EVC2: variants seen among roughly 807,000 people sequenced by gnomAD.
The protein encoded by EVC2 is EvC ciliary complex subunit 2, also known as limbin.
A neutral mutation model predicts 149.3 loss-of-function variants in EVC2; 148 were observed. The ratio of observed to expected loss-of-function variants is 0.99; its 90% CI spans 0.87 to 1.14. The LOEUF (loss-of-function observed/expected upper bound fraction) is 1.14. EVC2 is among the 50% of genes most tolerant of loss of function. The pLI, the probability that EVC2 is intolerant of heterozygous loss-of-function variation, is 0.00. For synonymous variants in EVC2, 776 were observed against 649.9 expected, an observed-to-expected ratio of 1.19 and a Z score of -2.95; for missense variants, 1,854 against 1,627.3, an observed-to-expected ratio of 1.14 and a Z score of -2.40.
rs1371469231 is a variant in EVC2 at position 5,568,465 on chromosome 4, T to C, written c.3536A>G (p.Gln1179Arg). Residue 1179 changes from glutamine (Q) to arginine (R), a missense_variant, in exon 20 of 22, where the codon CAG becomes CGG. Transcript: ENST00000344408. ...HAAESDGGAE[Q>R]ADVGRRRKHQ... ...TCACCTCCGCCTGCCCACGTCGGCC[T>C]GCTCCGCTCCGCCATCGCTCTCAGC... 1.3e-6 allele frequency: 2 copies of C among 1,569,512 alleles called. No individual in the cohort carries two copies. Among genetic ancestry groups the C allele is most frequent in the Non-Finnish European group, 8.6e-7 (1 of 1,164,904 alleles).
chr4:5,646,929 C>T (rs75179226), intron 9 of EVC2, among the ~76,000 whole-genome samples: 3 of 152,192 alleles, frequency 2.0e-5, no homozygotes, highest in Non-Finnish European at 4.4e-5. Flanking sequence ...TACTTTGTAC[C>T]TCCCTGAGGA....
chr4:5,654,115 G>A (rs937868961), intron 9 of EVC2, among the ~76,000 whole-genome samples: 4 of 152,218 alleles, frequency 2.6e-5, no homozygotes, highest in Non-Finnish European at 5.9e-5. Flanking sequence ...TCAGGAGGCT[G>A]AGGCAGGAGA....
chr4:5,691,650 G>A (rs891875050), intron 3 of EVC2, among the ~76,000 whole-genome samples: 3 of 152,174 alleles, frequency 2.0e-5, no homozygotes, highest in South Asian at 2.1e-4. Flanking sequence ...GAGCAGTGAA[G>A]ATATCATTTA....
chr4:5,594,065 C>A (rs979431789), intron 16 of EVC2, among the ~76,000 whole-genome samples: 3 of 152,144 alleles, frequency 2.0e-5, no homozygotes, highest in South Asian at 2.1e-4. Flanking sequence ...CAAAGCAGCC[C>A]GGAAGCTCAA....
downstream of EVC2, among the ~76,000 whole-genome samples, chr4:5,540,539 T>A (rs746575364): frequency 3.3e-5 from 5 of 152,146 alleles, no homozygotes; most frequent in South Asian, 2.1e-4. Context: ...TCAAAATAAT[T>A]ATGTTCAGTG....
chr4:5,671,193 G>A (rs906406505), intron 7 of EVC2, among the ~76,000 whole-genome samples: 3 of 152,224 alleles, frequency 2.0e-5, no homozygotes, highest in African/African-American at 7.2e-5. Flanking sequence ...AATGGCCCAA[G>A]GTCACAGATA....
chr4:5,665,757 C>CGCTTGCATTTGAGTCT (rs1719239145), intron 7 of EVC2, 108 bp from the exon 8 acceptor site: 3 of 1,515,832 alleles, frequency 2.0e-6, no homozygotes, highest in Non-Finnish European at 1.8e-6. Flanking sequence ...CCAGGGGACT[C>CGCTTGCATTTGAGTCT]GCTTGCATTT....
At chr4:5,690,273 A>G (rs1331936216) in intron 4 of EVC2, among the ~76,000 whole-genome samples, 1 of 152,236 alleles carries the variant, frequency 6.6e-6, no homozygotes, top group Admixed American at 6.5e-5. Context: ...GGCACAGGAA[A>G]GGCTTAACTC....
chr4:5,694,245 A>G, intron 3 of EVC2, 90 bp downstream of exon 3: 1 of 1,424,636 alleles, frequency 7.0e-7, no homozygotes, highest in Non-Finnish European at 9.8e-7. Flanking sequence ...TTTTTAAGCA[A>G]CAAAAACCCG....
In EVC2 at chr4:5,622,710, G is replaced by A. The variant is rs2108838807; in HGVS notation, c.2328C>T (p.Ile776=). The A allele has an allele frequency of 1.9e-6, 3 of 1,614,016 alleles. No homozygotes were observed. The highest frequency in any genetic ancestry group is 1.1e-5 in the South Asian group (1 of 91,074). Residue 776 remains isoleucine (I), a synonymous_variant, in exon 14 of 22, where the codon ATC becomes ATT. Transcript: ENST00000344408. This position sits in a 1 kb window ranked among gnomAD's most constrained non-coding sequence, Gnocchi z 5.8. ...RGVPWLFLQQ[I]LEEHGKEMAA... is the part of the protein sequence containing the mutation. ...CCATCTCCTTGCCGTGCTCCTCCAG[G>A]ATCTGCTGCAGGAAGAGCCAGGGCA...
intron 9 of EVC2, among the ~76,000 whole-genome samples, chr4:5,649,953 T>C (rs1382403651): frequency 6.6e-6 from 1 of 152,106 alleles, no homozygotes; most frequent in Non-Finnish European, 1.5e-5. Flanking sequence ...TAAATGAGAG[T>C]AAAAATAGTC....
chr4:5,619,850 G>A (rs73198141), intron 14 of EVC2, among the ~76,000 whole-genome samples: 3,588 of 152,262 alleles, frequency 0.024, 107 homozygotes, highest in African/African-American at 0.07. Context: ...AGAATTATTC[G>A]TTGAACAAAG....
chr4:5,656,050 C>T (rs1314783898), intron 9 of EVC2, among the ~76,000 whole-genome samples: 2 of 152,168 alleles, frequency 1.3e-5, no homozygotes, highest in African/African-American at 4.8e-5. Flanking sequence ...CAGAAAAGAG[C>T]TGCTTCCACT....
intron 9 of EVC2, among the ~76,000 whole-genome samples, chr4:5,642,606 A>G (rs890615559): frequency 2.6e-5 from 4 of 152,194 alleles, no homozygotes; most frequent in African/African-American, 9.7e-5. Flanking sequence ...TCCTCAGTAC[A>G]GATTCCCATG....
intron 1 of EVC2, 21 bp downstream of exon 1, chr4:5,708,265 C>A (rs1722342517): frequency 1.4e-6 from 2 of 1,473,396 alleles, no homozygotes; most frequent in African/African-American, 1.5e-5. Context: ...AGACCGGAGC[C>A]TGGGGTCGGG....
chr4:5,634,149 C>G (rs1021678393), intron 10 of EVC2, among the ~76,000 whole-genome samples: 2 of 152,330 alleles, frequency 1.3e-5, no homozygotes, highest in South Asian at 2.1e-4. Context: ...CTTGCCCATA[C>G]TAATAGCTTG....
At chr4:5,659,651 A>T (rs1280486314) in intron 9 of EVC2, among the ~76,000 whole-genome samples, 1 of 152,188 alleles carries the variant, frequency 6.6e-6, no homozygotes, top group Non-Finnish European at 1.5e-5. Context: ...ATAATTCCAG[A>T]GGTGCAAGAA....
chr4:5,694,257 G>T, intron 3 of EVC2, 78 bp downstream of exon 3: 2 of 1,489,034 alleles, frequency 1.3e-6, no homozygotes, highest in Non-Finnish European at 9.3e-7. Flanking sequence ...AAAAACCCGT[G>T]CCATTTTATA....
chr4:5,609,146 A>G (rs1577151892), intron 16 of EVC2, among the ~76,000 whole-genome samples: 1 of 152,092 alleles, frequency 6.6e-6, no homozygotes, highest in Admixed American at 6.5e-5. Context: ...CTCAGCCTCT[A>G]TAACTGCATG....
Sources: allele counts gnomAD v4.1 joint callset (sites outside exome capture counted in the v4.1 genomes callset), GRCh38; gene constraint gnomAD v4.1.1; non-coding constraint Gnocchi (gnomAD v3.1); transcripts MANE v1.5; gene names NCBI Gene and HGNC (gene_info 2026-07-23, HGNC 2026-07-21).